SERPINE3: variants seen among roughly 807,000 people sequenced by gnomAD.
SERPINE3 encodes the protein serpin family E member 3.
A neutral mutation model predicts 41.7 loss-of-function variants in SERPINE3; 43 were observed. That is an observed-to-expected ratio of 1.03 (90% confidence interval 0.81 to 1.33). The LOEUF (loss-of-function observed/expected upper bound fraction) is 1.33, where lower values mean the gene tolerates loss of function less well. Ranked by LOEUF, SERPINE3 falls within the 40% of genes most tolerant of loss-of-function variation. The pLI, the probability that SERPINE3 is intolerant of heterozygous loss-of-function variation, is 0.00. For synonymous variants in SERPINE3, 200 were observed against 192.2 expected (o/e 1.04, Z -0.34); for missense variants, 440 against 491.7 (o/e 0.89, Z 0.99).
chr13:51,358,058 G>A (rs539259425), intron 7 of SERPINE3, among the ~76,000 whole-genome samples: 1 of 152,128 alleles, frequency 6.6e-6, no homozygotes, highest in African/African-American at 2.4e-5. Context: ...GTGGGCTAGA[G>A]GAGACAAATG....
chr13:51,342,545 G>C (rs937937166), intron 3 of SERPINE3, among the ~76,000 whole-genome samples: 1 of 152,172 alleles, frequency 6.6e-6, no homozygotes, highest in African/African-American at 2.4e-5. Context: ...TGTTCTTCCT[G>C]TGTGCAAATG....
Position 51,342,592 on chromosome 13 carries a change from T to G in SERPINE3, c.256+1245T>G, listed in dbSNP as rs75164864. On this transcript the variant is annotated intron_variant, in intron 3 of 9. Transcript: ENST00000681248. ...ACTAGGCTAGGGCAGAGAAAAGATT[T>G]CACACAAAAATTCACTTCAAGCCAA... Among the ~76,000 whole-genome samples, 214 of 152,280 alleles carry G rather than the reference T, an allele frequency of 1.4e-3. 1 individual carries two copies. The highest frequency in any genetic ancestry group is 5.0e-3 in the African/African-American group (209 of 41,542).
At chr13:51,364,033 A>G (rs531105672) in intron 9 of SERPINE3, 1 of 343,268 alleles carries the variant, frequency 2.9e-6, no homozygotes, top group South Asian at 1.3e-4. Context: ...ATCTAAATAT[A>G]TATAATTTAG....
rs1246431816 is a variant in SERPINE3, at chr13:51,348,237, A to G, written c.725A>G (p.His242Arg). 5 of 1,598,420 alleles carry G rather than the reference A, an allele frequency of 3.1e-6. No individual in the cohort carries two copies. The highest frequency in any genetic ancestry group is 1.7e-5 in the Admixed American group (1 of 58,080). The stretch of plus-strand genomic sequence containing the variant: ...GGTCAGTTCCAGGACACTGCAGGCC[A>G]TCAGGTGGGGGTGCTGGAGCTTCCT... Reference protein sequence around the residue: ...NYGQFQDTAGHQVGVLELPYL... With the variant: ...NYGQFQDTAGRQVGVLELPYL... Residue 242 changes from histidine (H) to arginine (R), a missense_variant, in exon 6 of 10, where the codon CAT (histidine) becomes CGT (arginine). Transcript: ENST00000681248.
At position 51,341,189 on chromosome 13, in the gene SERPINE3, T is replaced by C; in HGVS notation, c.98T>C (p.Phe33Ser). 2 of 1,613,994 alleles carry C rather than the reference T, an allele frequency of 1.2e-6. No individual in the cohort carries two copies. Among genetic ancestry groups the C allele is most frequent in the East Asian group, 2.2e-5 (1 of 44,882 alleles). ...GGAATGACATTGCTGAAGACTGAGT[T>C]TGCACTTCACCTCTACCAGAGTGTG... Reference protein sequence around the residue: ...REGMTLLKTEFALHLYQSVAA... With the variant: ...REGMTLLKTESALHLYQSVAA... The change falls in exon 3 of 10, where the codon TTT (phenylalanine) becomes TCT (serine). Residue 33 changes from phenylalanine (F) to serine (S), a missense_variant. Transcript: ENST00000681248.
At chr13:51,340,556 G>T (rs144870005) in intron 1 of SERPINE3, among the ~76,000 whole-genome samples, 7 of 152,256 alleles carry the variant, frequency 4.6e-5, no homozygotes, top group African/African-American at 7.2e-5. Flanking sequence ...GGCCTCAAAG[G>T]TTCAATCATC....
intron 6 of SERPINE3, among the ~76,000 whole-genome samples, chr13:51,349,996 G>A (rs990178599): frequency 6.6e-6 from 1 of 152,162 alleles, no homozygotes; most frequent in South Asian, 2.1e-4. Context: ...CTTAGGTCTA[G>A]ATTTAGGTAT....
intron 6 of SERPINE3, chr13:51,348,672 T>G: frequency 4.0e-6 from 1 of 248,944 alleles, no homozygotes. Flanking sequence ...CTGCCTTCAC[T>G]GGGCTGGAAT....
At chr13:51,361,659 T>C (rs1955579515) in intron 8 of SERPINE3, 151 bp from the exon 9 acceptor site, 2 of 667,672 alleles carry the variant, frequency 3.0e-6, no homozygotes, top group East Asian at 5.6e-5. Context: ...TTCTCTTTAA[T>C]TTTCCCATCT....
chr13:51,341,995 G>A (rs754743198), intron 3 of SERPINE3, among the ~76,000 whole-genome samples: 17 of 152,144 alleles, frequency 1.1e-4, no homozygotes, highest in Middle Eastern at 3.4e-3. Context: ...ATTTTAGAGC[G>A]GCTTTGCCGG....
rs780375789 is a variant in SERPINE3, at chr13:51,347,102, A to G, written c.568A>G (p.Ser190Gly). The change falls in exon 5 of 10, where the codon AGC (serine) becomes GGC (glycine). Residue 190 changes from serine to glycine, a missense_variant. By Grantham distance (56) the Ser-to-Gly change is moderately conservative. Coordinates refer to ENST00000681248, the MANE Select transcript of SERPINE3 (RefSeq NM_001386375.1). The part of the protein sequence containing the change: ...SAAFAQLVLV[S>G]TMSFQGTWRK... ...AGCATTTGCTCAGCTTGTGCTTGTG[A>G]GCACCATGTCCTTCCAAGGCACTTG... The G allele has an allele frequency of 6.2e-7, 1 of 1,610,894 alleles. No homozygotes were observed. The highest frequency in any genetic ancestry group is 1.1e-5 in the South Asian group (1 of 90,106).
At chr13:51,342,816 C>T (rs1368885078) in intron 3 of SERPINE3, among the ~76,000 whole-genome samples, 1 of 152,060 alleles carries the variant, frequency 6.6e-6, no homozygotes, top group Non-Finnish European at 1.5e-5. Flanking sequence ...TGACCTTCCT[C>T]GATAGAGTAA....
chr13:51,356,190 G>A (rs982020716), intron 7 of SERPINE3, among the ~76,000 whole-genome samples: 1 of 152,096 alleles, frequency 6.6e-6, no homozygotes, highest in Non-Finnish European at 1.5e-5. Flanking sequence ...AGATAGCAAA[G>A]CAATAGTCAA....
chr13:51,341,394 C>G, intron 3 of SERPINE3, 47 bp downstream of exon 3: 1 of 1,504,554 alleles, frequency 6.6e-7, no homozygotes, highest in Non-Finnish European at 9.0e-7. Context: ...CCTGTTCACA[C>G]TCACACTCTC....
intron 4 of SERPINE3, among the ~76,000 whole-genome samples, chr13:51,344,907 A>G (rs1361316065): frequency 6.6e-6 from 1 of 152,236 alleles, no homozygotes; most frequent in African/African-American, 2.4e-5. Context: ...ATTTAGGTTA[A>G]GGAAATAATT....
At chr13:51,342,178 C>CAAAAAAAA (rs869298134) in intron 3 of SERPINE3, among the ~76,000 whole-genome samples, 9 of 63,548 alleles carry the variant, frequency 1.4e-4, no homozygotes, top group African/African-American at 2.1e-4. Flanking sequence ...AAAGACAGAA[C>CAAAAAAAA]AAAAAAAAAA....
intron 4 of SERPINE3, 41 bp downstream of exon 4, chr13:51,344,526 G>T (rs1207696740): frequency 6.8e-7 from 1 of 1,471,730 alleles, no homozygotes; most frequent in African/African-American, 1.4e-5. Flanking sequence ...TAAGGCAGAG[G>T]GCTGCAGAGA....
rs1037063356 is a variant in SERPINE3 at position 51,339,727 on chromosome 13, C to G, written c.-112C>G. 1.3e-5 allele frequency: 2 copies of G among 152,238 alleles called. No homozygotes were observed. The highest frequency in any genetic ancestry group is 2.9e-5 in the Non-Finnish European group (2 of 68,052). 9.4% of individuals were successfully genotyped at this position (152,238 alleles called of 1,614,324 possible). ...CAGAGTCGAGCAAGGAAACGTGCAACAGTGATACAAAAGTCTGTGAGTACG... is the reference window on the plus strand; with the variant it reads ...CAGAGTCGAGCAAGGAAACGTGCAAGAGTGATACAAAAGTCTGTGAGTACG... On this transcript the variant is annotated 5_prime_UTR_variant, in exon 1 of 10. Transcript: ENST00000681248.
Position 51,347,205 on chromosome 13 carries a change from T to G in SERPINE3, c.671T>G (p.Met224Arg), listed in dbSNP as rs1409658816. The G allele has an allele frequency of 6.8e-6, 11 of 1,613,830 alleles. No individual in the cohort carries two copies. Among genetic ancestry groups the G allele is most frequent in the Non-Finnish European group, 9.3e-6 (11 of 1,179,880 alleles). Residue 224 changes from methionine to arginine, a missense_variant, in exon 5 of 10, where the codon ATG (methionine) becomes AGG (arginine). Coordinates refer to ENST00000681248, the MANE Select transcript of SERPINE3 (RefSeq NM_001386375.1). ...TATGGCCTCGTCCTTCAGGTCCCCATGATGCACCAAACGACCGAGGTCAAC... is the reference window on the plus strand; with the variant it reads ...TATGGCCTCGTCCTTCAGGTCCCCAGGATGCACCAAACGACCGAGGTCAAC... ...CAYGLVLQVP[M>R]MHQTTEVNYG...
Sources: allele counts gnomAD v4.1 joint callset (sites outside exome capture counted in the v4.1 genomes callset), GRCh38; gene constraint gnomAD v4.1.1; transcripts MANE v1.5; gene names NCBI Gene and HGNC (gene_info 2026-07-23, HGNC 2026-07-21).